The following ADAMTSL1 variants were observed in gnomAD, a reference collection of about 807,000 sequenced individuals.
ADAMTSL1 encodes ADAMTS like 1.
A neutral mutation model predicts 201.8 loss-of-function variants in ADAMTSL1; 126 were observed. That is an observed-to-expected ratio of 0.62 (90% CI 0.54 to 0.72). ADAMTSL1 has a LOEUF of 0.72. Ranked by LOEUF, ADAMTSL1 falls within the 30% of genes least tolerant of loss-of-function variation. ADAMTSL1 has a pLI of 0.00. For missense variants in ADAMTSL1, 2,679 were observed against 2,277.8 expected, an observed-to-expected ratio of 1.18 and a Z score of -3.59; for synonymous variants, 1,121 against 903.4, an observed-to-expected ratio of 1.24 and a Z score of -4.32.
intron 20 of ADAMTSL1, among the ~76,000 whole-genome samples, chr9:18,803,413 A>G (rs1211844946): frequency 6.6e-6 from 1 of 152,238 alleles, no homozygotes; most frequent in African/African-American, 2.4e-5. Flanking sequence ...AAGAGCTCAC[A>G]TGATTAGACT....
chr9:18,061,500 C>T (rs779906244), intron 1 of ADAMTSL1, among the ~76,000 whole-genome samples: 1 of 152,182 alleles, frequency 6.6e-6, no homozygotes, highest in Non-Finnish European at 1.5e-5. Context: ...AGATTGCCCT[C>T]ATAAACCACA....
chr9:18,807,594 C>T (rs531355981), intron 20 of ADAMTSL1, among the ~76,000 whole-genome samples: 3 of 147,836 alleles, frequency 2.0e-5, no homozygotes, highest in South Asian at 4.3e-4. Context: ...TGCAGTGAGC[C>T]GAGATCGCAC....
At chr9:18,289,160 T>C (rs988128280) in intron 2 of ADAMTSL1, among the ~76,000 whole-genome samples, 1 of 122,624 alleles carries the variant, frequency 8.2e-6, no homozygotes, top group African/African-American at 3.4e-5. Flanking sequence ...TATCTATCTA[T>C]CTATCTATCT....
chr9:18,226,187 C>T (rs55879948), intron 2 of ADAMTSL1, among the ~76,000 whole-genome samples: 10,216 of 151,932 alleles, frequency 0.067, 491 homozygotes, highest in African/African-American at 0.13. Flanking sequence ...TTAATTTTTT[C>T]AATTGACAAA....
intron 4 of ADAMTSL1, among the ~76,000 whole-genome samples, chr9:18,583,678 G>T (rs988924971): frequency 6.6e-6 from 1 of 152,126 alleles, no homozygotes; most frequent in African/African-American, 2.4e-5. Flanking sequence ...AAGCAGCCGG[G>T]AAGGAGGCTG....
chr9:18,723,230 G>A lies in ADAMTSL1; in HGVS notation c.2006+1565G>A, dbSNP rs111825947. On this transcript the variant is annotated intron_variant, in intron 15 of 28. Coordinates refer to ENST00000380548, the MANE Select transcript of ADAMTSL1 (RefSeq NM_001040272.6). Reference sequence around the variant, plus strand: ...TGTCCCATGATTCTTTATTTTGTAGGCAGAAGCATTAAACAGCTACTCCTG... The same window carrying A: ...TGTCCCATGATTCTTTATTTTGTAGACAGAAGCATTAAACAGCTACTCCTG... 10 of 646,954 alleles carry A rather than the reference G, an allele frequency of 1.5e-5. No individual in the cohort carries two copies. In the East Asian group the frequency reaches 1.9e-4, roughly 12 times the overall value. The allele number at this position is 646,954 out of a possible 1,614,324, so 40.1% of individuals were successfully genotyped here. A position where few individuals can be genotyped will look rare whatever the true frequency, so the allele number is the denominator to read the frequency against.
At chr9:18,396,387 G>A (rs1817754034) in intron 2 of ADAMTSL1, among the ~76,000 whole-genome samples, 1 of 151,564 alleles carries the variant, frequency 6.6e-6, no homozygotes. Context: ...AGTCTCTTGT[G>A]CTGCAGTTTT....
intron 5 of ADAMTSL1, among the ~76,000 whole-genome samples, chr9:18,633,176 T>C (rs1204691728): frequency 1.3e-5 from 2 of 152,216 alleles, no homozygotes; most frequent in African/African-American, 4.8e-5. Flanking sequence ...ACTTGCACTT[T>C]ATTTGAACTG....
intron 1 of ADAMTSL1, among the ~76,000 whole-genome samples, chr9:18,001,677 G>A (rs1819616087): frequency 6.6e-6 from 1 of 151,970 alleles, no homozygotes; most frequent in Non-Finnish European, 1.5e-5. Flanking sequence ...AGACAGGGAA[G>A]TGAGAAACAA....
chr9:18,697,784 A>G (rs1334294127), intron 13 of ADAMTSL1, among the ~76,000 whole-genome samples: 2 of 152,190 alleles, frequency 1.3e-5, no homozygotes, highest in Non-Finnish European at 2.9e-5. Context: ...GTAGCCATTA[A>G]AATCCTTTGC....
chr9:18,434,260 C>T (rs1169505701), intron 2 of ADAMTSL1, among the ~76,000 whole-genome samples: 1 of 151,986 alleles, frequency 6.6e-6, no homozygotes, highest in Non-Finnish European at 1.5e-5. Context: ...GGCCCATTTT[C>T]ATGAAAAAAA....
chr9:18,022,777 A>G (rs1435620303), intron 1 of ADAMTSL1, among the ~76,000 whole-genome samples: 1 of 152,186 alleles, frequency 6.6e-6, no homozygotes, highest in African/African-American at 2.4e-5. Flanking sequence ...GTGAACATGT[A>G]CAAGAATTCT....
intron 1 of ADAMTSL1, among the ~76,000 whole-genome samples, chr9:17,918,603 T>C (rs781341654): frequency 6.6e-6 from 1 of 151,926 alleles, no homozygotes; most frequent in Non-Finnish European, 1.5e-5. Flanking sequence ...AGAATTAAAC[T>C]TTCTACAAAT....
intron 14 of ADAMTSL1, among the ~76,000 whole-genome samples, chr9:18,719,800 G>T (rs550635562): frequency 3.5e-4 from 54 of 152,310 alleles, no homozygotes; most frequent in Non-Finnish European, 6.3e-4. Context: ...AACCTAGGAA[G>T]TATTAGCTGA....
At chr9:18,260,655 C>T (rs1440815361) in intron 2 of ADAMTSL1, among the ~76,000 whole-genome samples, 1 of 152,150 alleles carries the variant, frequency 6.6e-6, no homozygotes, top group Admixed American at 6.5e-5. Context: ...AATCTGGTTG[C>T]CTACTTGTTG....
chr9:18,029,914 T>C (rs868619701), intron 1 of ADAMTSL1, among the ~76,000 whole-genome samples: 399 of 151,684 alleles, frequency 2.6e-3, no homozygotes, highest in African/African-American at 8.8e-3. Context: ...CTGGAGAGGA[T>C]GTGGAGAAAT....
At chr9:18,472,141 A>T (rs1324848599), upstream of ADAMTSL1, among the ~76,000 whole-genome samples, 1 of 152,208 alleles carries the variant, frequency 6.6e-6, no homozygotes, top group Non-Finnish European at 1.5e-5. Context: ...AATGACTGTG[A>T]TAGGAGGGAA....
chr9:18,696,427 C>T (rs530694419), intron 13 of ADAMTSL1, among the ~76,000 whole-genome samples: 12 of 152,188 alleles, frequency 7.9e-5, no homozygotes, highest in East Asian at 5.8e-4. Context: ...TGGAAAATGC[C>T]GTAAGATAAC....
At chr9:18,848,035 C>T (rs575309784) in intron 23 of ADAMTSL1, among the ~76,000 whole-genome samples, 1 of 152,316 alleles carries the variant, frequency 6.6e-6, no homozygotes, top group South Asian at 2.1e-4. Flanking sequence ...TCTAGTAAAA[C>T]AGAGGCTTAT....
Sources: allele counts gnomAD v4.1 joint callset (sites outside exome capture counted in the v4.1 genomes callset), GRCh38; gene constraint gnomAD v4.1.1; transcripts MANE v1.5; gene names NCBI Gene and HGNC (gene_info 2026-07-23, HGNC 2026-07-21).